MYH11: variants seen among roughly 807,000 people sequenced by gnomAD.
The protein encoded by MYH11 is myosin-11.
In MYH11, 80 loss-of-function variants were observed where a neutral mutation model predicts 246.6. The ratio of observed to expected loss-of-function variants is 0.32; its 90% CI spans 0.27 to 0.39. The LOEUF (loss-of-function observed/expected upper bound fraction) is 0.39. Among genes scored for constraint, MYH11 ranks in the 10% least tolerant of loss-of-function variants. The pLI is 1.00. For synonymous variants in MYH11, 1,071 were observed against 1,015.5 expected (o/e 1.05, Z -1.04); for missense variants, 2,158 against 2,546.8 (o/e 0.85, Z 3.29).
intron 3 of MYH11, among the ~76,000 whole-genome samples, chr16:15,816,939 C>A (rs765961172): frequency 5.9e-5 from 9 of 152,104 alleles, no homozygotes; most frequent in African/African-American, 2.4e-5. Context: ...AAAAAGGGAA[C>A]AAGGAATTCC....
At chr16:15,787,216 G>C (rs912061545) in intron 4 of MYH11, among the ~76,000 whole-genome samples, 12 of 152,008 alleles carry the variant, frequency 7.9e-5, no homozygotes, top group African/African-American at 2.9e-4. Context: ...AGACCAGCCT[G>C]AGCAACACAG....
At chr16:15,725,092 G>A in intron 28 of MYH11, 100 bp from the exon 29 acceptor site, 2 of 902,296 alleles carry the variant, frequency 2.2e-6, no homozygotes, top group East Asian at 2.7e-5. Flanking sequence ...TACTTGAGGT[G>A]TTCACTGATT....
intron 16 of MYH11, 82 bp from the exon 17 acceptor site, chr16:15,748,250 C>A: frequency 2.5e-6 from 4 of 1,593,214 alleles, no homozygotes; most frequent in South Asian, 1.1e-5. Context: ...ACCTGGATGA[C>A]CCACCTGGCC....
At chr16:15,819,732 C>T (rs1463820476) in intron 3 of MYH11, among the ~76,000 whole-genome samples, 1 of 152,130 alleles carries the variant, frequency 6.6e-6, no homozygotes, top group Admixed American at 6.5e-5. Context: ...ATGTAATGCG[C>T]TCGAATCATC....
At position 15,724,635 on chromosome 16, in the gene MYH11, C is replaced by A. The variant is rs193005461; in HGVS notation, c.4116+12G>T. On this transcript the variant is annotated intron_variant, in intron 30 of 40. Transcript: ENST00000300036. The stretch of plus-strand genomic sequence containing the variant: ...AGGACCCATGAAGGAAGCAAGGACA[C>A]GGGGCAGGCACCTGGATGTTGAGAG... The A allele has an allele frequency of 6.2e-7, 1 of 1,613,748 alleles. No individual in the cohort carries two copies. The highest frequency in any genetic ancestry group is 1.7e-4 in the Middle Eastern group (1 of 5,764).
chr16:15,707,959 CAAAA>C (rs59081092), intron 40 of MYH11, among the ~76,000 whole-genome samples: 1,435 of 115,942 alleles, frequency 0.012, 22 homozygotes, highest in African/African-American at 0.041. Flanking sequence ...GACTCCGTCT[CAAAA>C]AAAAAAAAAA....
In MYH11 at chr16:15,771,561, A is replaced by T; in HGVS notation, c.1033+8T>A. The T allele has an allele frequency of 6.2e-7, 1 of 1,612,800 alleles. No homozygotes were observed. Among genetic ancestry groups the T allele is most frequent in the Non-Finnish European group, 8.5e-7 (1 of 1,179,908 alleles). ...AGCTACCCTCCAGACTCAAGGTGTG[A>T]GGCTTACATAGCTGCTCCTCCTCGC... On this transcript the variant is annotated splice_region_variant and intron_variant, in intron 9 of 40. Transcript: ENST00000300036.
In MYH11 at chr16:15,759,643, T is replaced by C; in HGVS notation, c.1334A>G (p.Asp445Gly). 6.2e-7 allele frequency: 1 copy of C among 1,614,166 alleles called. No homozygotes were observed. The highest frequency in any genetic ancestry group is 2.2e-5 in the East Asian group (1 of 44,876). Residue 445 changes from aspartate to glycine, a missense_variant, in exon 12 of 41, where the codon GAC becomes GGC. This residue lies in a region of MYH11 where 317 missense variants were observed against 507.7 expected (regional missense o/e 0.62). Coordinates refer to ENST00000300036, the MANE Select transcript of MYH11 (RefSeq NM_002474.3). ...WILTRVNKAL[D>G]KTHRQGASFL... ...GGAAGCCCCTTGCCGATGGGTCTTG[T>C]CCAGGGCTTTGTTCACGCGGGTGAG... is the stretch of plus-strand genomic sequence containing the variant.
chr16:15,732,050 C>T (rs1426446201), intron 27 of MYH11, among the ~76,000 whole-genome samples: 1 of 152,114 alleles, frequency 6.6e-6, no homozygotes, highest in Non-Finnish European at 1.5e-5. Flanking sequence ...CAACCTCTGC[C>T]TCCTGGGTTC....
chr16:15,747,796 G>A, intron 18 of MYH11, 66 bp from the exon 19 acceptor site: 1 of 1,612,488 alleles, frequency 6.2e-7, no homozygotes, highest in Non-Finnish European at 8.5e-7. Flanking sequence ...GATGACATGG[G>A]TAAGAACGGT....
intron 8 of MYH11, among the ~76,000 whole-genome samples, chr16:15,773,882 A>C (rs776267416): frequency 6.6e-6 from 1 of 152,026 alleles, no homozygotes; most frequent in Non-Finnish European, 1.5e-5. Flanking sequence ...CTATGATTAC[A>C]TTTCCTTTGT....
At chr16:15,854,341 C>G (rs780439572) in intron 1 of MYH11, among the ~76,000 whole-genome samples, 2 of 152,164 alleles carry the variant, frequency 1.3e-5, no homozygotes, top group African/African-American at 4.8e-5. Flanking sequence ...TGTGCTAAAC[C>G]CTTCATACAC....
intron 2 of MYH11, among the ~76,000 whole-genome samples, chr16:15,829,633 C>T (rs1324851719): frequency 6.6e-6 from 1 of 152,210 alleles, no homozygotes; most frequent in African/African-American, 2.4e-5. Flanking sequence ...TCCCAGCCGG[C>T]ATCTCATGGG....
chr16:15,738,661 T>C lies in MYH11; in HGVS notation c.3025A>G (p.Ser1009Gly), dbSNP rs754579611. 1 of 1,613,924 alleles carries C rather than the reference T, an allele frequency of 6.2e-7. No homozygotes were observed. The highest frequency in any genetic ancestry group is 8.5e-7 in the Non-Finnish European group (1 of 1,179,792). ...KERKLLEERI[S>G]DLTTNLAEEE... Reference sequence around the variant, plus strand: ...TCTGCAAGATTTGTCGTTAAGTCACTAATCCTCTCCTCAAGGAGTTTTCGT... The same window carrying C: ...TCTGCAAGATTTGTCGTTAAGTCACCAATCCTCTCCTCAAGGAGTTTTCGT... The change falls in exon 24 of 41, where the codon AGT becomes GGT. Residue 1009 changes from serine (S) to glycine (G), a missense_variant. Physicochemically the swap from Ser to Gly is moderately conservative, Grantham distance 56. Coordinates refer to ENST00000300036, the MANE Select transcript of MYH11 (RefSeq NM_002474.3).
At chr16:15,789,029 G>A (rs1336834249) in intron 4 of MYH11, among the ~76,000 whole-genome samples, 1 of 151,964 alleles carries the variant, frequency 6.6e-6, no homozygotes, top group African/African-American at 2.4e-5. Context: ...TAGGGGGAAG[G>A]GTCCCTTTGC....
At chr16:15,828,586 A>G (rs1373469224) in intron 2 of MYH11, among the ~76,000 whole-genome samples, 1 of 152,186 alleles carries the variant, frequency 6.6e-6, no homozygotes, top group Non-Finnish European at 1.5e-5. Context: ...TGAGGTCAGG[A>G]GTTCGAGACC....
intron 36 of MYH11, chr16:15,718,644 G>T: frequency 1.4e-6 from 1 of 692,552 alleles, no homozygotes; most frequent in Admixed American, 2.9e-5. Flanking sequence ...AGCAAAGCTG[G>T]GATTGGGATG....
At chr16:15,790,382 T>C (rs2042580920) in intron 4 of MYH11, among the ~76,000 whole-genome samples, 1 of 151,222 alleles carries the variant, frequency 6.6e-6, no homozygotes, top group Admixed American at 6.6e-5. Flanking sequence ...TCCGTGGCTA[T>C]GGTCTCCCAC....
chr16:15,703,886 C>G lies in MYH11; in HGVS notation c.*105G>C, dbSNP rs779481499. 7.0e-6 allele frequency: 10 copies of G among 1,438,206 alleles called. No homozygotes were observed. The highest frequency in any genetic ancestry group is 9.8e-6 in the Non-Finnish European group (10 of 1,024,618). 89.1% of individuals were successfully genotyped at this position (1,438,206 alleles called of 1,614,324 possible). A position where few individuals can be genotyped will look rare whatever the true frequency, so the allele number is the denominator to read the frequency against. On this transcript the variant is annotated 3_prime_UTR_variant, in exon 41 of 41. Coordinates refer to ENST00000300036, the MANE Select transcript of MYH11 (RefSeq NM_002474.3). Reference sequence around the variant, plus strand: ...GAATGGATTTAGACAATGCTAAGTACAGTCTGCTGGGTTTTGCTTTGTTCT... The same window carrying G: ...GAATGGATTTAGACAATGCTAAGTAGAGTCTGCTGGGTTTTGCTTTGTTCT...
Sources: gnomAD v4.1 joint callset for allele counts (sites outside exome capture counted in the v4.1 genomes callset) on GRCh38, gnomAD v4.1.1 for gene constraint, gnomAD v4.1.1 regional missense constraint, MANE v1.5 for transcripts, NCBI Gene and HGNC (gene_info 2026-07-23, HGNC 2026-07-21) for gene names.